SERPIND1: variants seen among roughly 807,000 people sequenced by gnomAD.
SERPIND1 encodes the protein heparin cofactor 2.
A neutral mutation model predicts 35.0 loss-of-function variants in SERPIND1; 34 were observed. The observed-to-expected ratio is 0.97, with a 90% CI of 0.74 to 1.29. The LOEUF is 1.29. Ranked by LOEUF, SERPIND1 falls within the 50% of genes most tolerant of loss-of-function variation. SERPIND1 has a pLI of 0.00. For missense variants in SERPIND1, 633 were observed against 637.7 expected (o/e 0.99, Z 0.08); for synonymous variants, 236 against 241.1 (o/e 0.98, Z 0.19).
intron 2 of SERPIND1, among the ~76,000 whole-genome samples, chr22:20,780,775 C>CAAAA (rs538327544): frequency 6.4e-4 from 43 of 67,698 alleles, no homozygotes; most frequent in South Asian, 1.1e-3. Context: ...GACTCCATCT[C>CAAAA]AAAAAAAAAA....
intron 4 of SERPIND1, among the ~76,000 whole-genome samples, 178 bp from the exon 5 acceptor site, chr22:20,786,697 G>T (rs923679959): frequency 6.6e-6 from 1 of 152,160 alleles, no homozygotes; most frequent in Non-Finnish European, 1.5e-5. Context: ...GCCTCTAAGT[G>T]CAACGGCTGC....
At chr22:20,780,592 A>G (rs2147486216) in intron 2 of SERPIND1, among the ~76,000 whole-genome samples, 1 of 152,210 alleles carries the variant, frequency 6.6e-6, no homozygotes, top group South Asian at 2.1e-4. Context: ...ACAGACCAAC[A>G]TGGTGAAAAC....
chr22:20,775,769 T>C (rs1933221516), intron 1 of SERPIND1, among the ~76,000 whole-genome samples: 3 of 152,104 alleles, frequency 2.0e-5, no homozygotes, highest in Admixed American at 2.0e-4. Flanking sequence ...AGATTACAGG[T>C]GTGAGCCCCT....
intron 3 of SERPIND1, 80 bp downstream of exon 3, chr22:20,784,325 T>C: frequency 6.3e-7 from 1 of 1,585,196 alleles, no homozygotes; most frequent in East Asian, 2.2e-5. Flanking sequence ...GGATCATTTT[T>C]TTAAAAAGGG....
At chr22:20,774,948 C>T (rs552062936) in intron 1 of SERPIND1, among the ~76,000 whole-genome samples, 9 of 151,870 alleles carry the variant, frequency 5.9e-5, no homozygotes, top group Admixed American at 3.3e-4. Context: ...AATCTCGGTA[C>T]GGGTATACAG....
At chr22:20,779,184 T>G in intron 1 of SERPIND1, 113 bp from the exon 2 acceptor site, 1 of 1,577,438 alleles carries the variant, frequency 6.3e-7, no homozygotes, top group Non-Finnish European at 8.6e-7. Flanking sequence ...TAAGAACTAA[T>G]GCTGTGAGGG....
In SERPIND1 at chr22:20,779,279, TTC is replaced by T. The variant is rs755869850; in HGVS notation, c.-16-16_-16-15del. On this transcript the variant is annotated splice_polypyrimidine_tract_variant and intron_variant, in intron 1 of 4. Transcript: ENST00000215727. ...ATCAGCCAGGCCGCCTTTCACTGTG[TTC>T]TGTTTTCCCTCCCAGCTTTAGCTCC... is the stretch of plus-strand genomic sequence containing the variant. 15 of 1,613,430 alleles carry T rather than the reference TTC, an allele frequency of 9.3e-6. No homozygotes were observed. Among genetic ancestry groups the T allele is most frequent in the Non-Finnish European group, 1.1e-5 (13 of 1,180,012 alleles).
At chr22:20,784,888 A>T (rs529188105) in intron 3 of SERPIND1, among the ~76,000 whole-genome samples, 1 of 152,192 alleles carries the variant, frequency 6.6e-6, no homozygotes, top group African/African-American at 2.4e-5. Flanking sequence ...GAACCTCCTT[A>T]TAGGACAAGA....
chr22:20,784,178 ATGAAGAC>A lies in SERPIND1; in HGVS notation c.1097_1103del (p.Met366ThrfsTer6). 1.2e-6 allele frequency: 2 copies of A among 1,614,198 alleles called. No individual in the cohort carries two copies. The highest frequency in any genetic ancestry group is 2.2e-5 in the South Asian group (2 of 91,076). ...TGTGGTCCCACACAAGATGTCTGGG[ATGAAGAC>A]CCTCGAAGCGCAACTGACACCCCGG... On this transcript the variant is annotated frameshift_variant, in exon 3 of 5. Transcript: ENST00000215727. LOFTEE classifies it high-confidence loss of function.
chr22:20,781,533 C>T (rs1933799447), intron 2 of SERPIND1, among the ~76,000 whole-genome samples: 1 of 152,236 alleles, frequency 6.6e-6, no homozygotes, highest in African/African-American at 2.4e-5. Context: ...CTGATCTGTC[C>T]ACACACCTGC....
intron 1 of SERPIND1, among the ~76,000 whole-genome samples, chr22:20,774,364 T>C (rs1933073944): frequency 6.6e-6 from 1 of 152,220 alleles, no homozygotes; most frequent in African/African-American, 2.4e-5. Flanking sequence ...GTGGAATAGA[T>C]GAAAATATTG....
chr22:20,783,801 T>A lies in SERPIND1; in HGVS notation c.890-171T>A, dbSNP rs145759497. Among the ~76,000 whole-genome samples, 3 of 152,316 alleles carry A rather than the reference T, an allele frequency of 2.0e-5. No individual in the cohort carries two copies. The East Asian group carries it at 5.8e-4, about 29-fold the overall frequency. The stretch of plus-strand genomic sequence containing the variant: ...GGTAACCTCTCGTTAACCTCTCTTG[T>A]TAGAAATGCAAATTTCTGCCCAAAT... On this transcript the variant is annotated intron_variant, in intron 2 of 4. Coordinates refer to ENST00000215727, the MANE Select transcript of SERPIND1 (RefSeq NM_000185.4).
rs370327089 is a variant in SERPIND1, at chr22:20,779,430, C to T, written c.118C>T (p.Pro40Ser). Residue 40 changes from proline (P) to serine (S), a missense_variant, in exon 2 of 5, where the codon CCC (proline) becomes TCC (serine). Physicochemically the swap from Pro to Ser is moderately conservative, Grantham distance 74 (BLOSUM62 -1). Coordinates refer to ENST00000215727, the MANE Select transcript of SERPIND1 (RefSeq NM_000185.4). ...KGGETAQSAD[P>S]QWEQLNNKNL... is the part of the protein sequence containing the mutation. ...AGGGGAAACTGCTCAGTCTGCAGAT[C>T]CCCAGTGGGAGCAGTTAAATAACAA... is the stretch of plus-strand genomic sequence containing the variant. The T allele has an allele frequency of 4.5e-4, 729 of 1,614,202 alleles. 7 individuals carry two copies. In the South Asian group the frequency reaches 7.6e-3, roughly 17 times the overall value.
chr22:20,780,565 C>A (rs911367142), intron 2 of SERPIND1, among the ~76,000 whole-genome samples: 10 of 152,114 alleles, frequency 6.6e-5, no homozygotes, highest in South Asian at 4.2e-4. Context: ...GTCAGGAGTT[C>A]GAGATCAGCC....
At chr22:20,786,280 T>C in intron 4 of SERPIND1, 132 bp downstream of exon 4, 1 of 1,007,610 alleles carries the variant, frequency 9.9e-7, no homozygotes, top group Non-Finnish European at 1.5e-6. Context: ...CTCTTCGGCC[T>C]GGGTGGGATA....
chr22:20,779,279 T>G lies in SERPIND1; in HGVS notation c.-16-18T>G. 6.2e-7 allele frequency: 1 copy of G among 1,613,548 alleles called. No individual in the cohort carries two copies. The highest frequency in any genetic ancestry group is 8.5e-7 in the Non-Finnish European group (1 of 1,180,004). On this transcript the variant is annotated intron_variant, in intron 1 of 4. Coordinates refer to ENST00000215727, the MANE Select transcript of SERPIND1 (RefSeq NM_000185.4). The stretch of plus-strand genomic sequence containing the variant: ...ATCAGCCAGGCCGCCTTTCACTGTG[T>G]TCTGTTTTCCCTCCCAGCTTTAGCT...
At chr22:20,781,735 T>C (rs1004370061) in intron 2 of SERPIND1, among the ~76,000 whole-genome samples, 2 of 152,262 alleles carry the variant, frequency 1.3e-5, no homozygotes, top group Non-Finnish European at 2.9e-5. Flanking sequence ...ATGTACATGA[T>C]GAACACACAT....
rs190900232 is a variant in SERPIND1 at position 20,784,600 on chromosome 22, C to T, written c.1163+355C>T. Among the ~76,000 whole-genome samples the T allele has an allele frequency of 7.7e-4, 118 of 152,260 alleles. 3 individuals carry two copies. Among genetic ancestry groups the T allele is most frequent in the South Asian group, 7.1e-3 (34 of 4,814 alleles). On this transcript the variant is annotated intron_variant, in intron 3 of 4. Coordinates refer to ENST00000215727, the MANE Select transcript of SERPIND1 (RefSeq NM_000185.4). Reference sequence around the variant, plus strand: ...TCACTTGAGAAAATAACAGAATCAGCGATGCTGAGCGCCCCTCCCAGTACT... The same window carrying T: ...TCACTTGAGAAAATAACAGAATCAGTGATGCTGAGCGCCCCTCCCAGTACT...
At chr22:20,777,327 C>T (rs1933380621) in intron 1 of SERPIND1, among the ~76,000 whole-genome samples, 1 of 152,020 alleles carries the variant, frequency 6.6e-6, no homozygotes, top group Non-Finnish European at 1.5e-5. Flanking sequence ...AACGAATCTC[C>T]TGCCTCAGCC....
Sources: gnomAD v4.1 joint callset for allele counts (sites outside exome capture counted in the v4.1 genomes callset) on GRCh38, gnomAD v4.1.1 for gene constraint, MANE v1.5 for transcripts, NCBI Gene and HGNC (gene_info 2026-07-23, HGNC 2026-07-21) for gene names.